The following ITIH2 variants were observed in gnomAD, a reference collection of about 807,000 sequenced individuals.
ITIH2 encodes inter-alpha-trypsin inhibitor heavy chain H2.
ITIH2 carries 103 observed loss-of-function variants against 104.4 expected under a neutral mutation model. The ratio of observed to expected loss-of-function variants is 0.99; its 90% CI spans 0.84 to 1.16. The LOEUF is 1.16. ITIH2 is among the 50% of genes most tolerant of loss of function. The pLI is 0.00. For synonymous variants in ITIH2, 436 were observed against 435.4 expected (o/e 1.00, Z -0.02); for missense variants, 1,108 against 1,162.4 (o/e 0.95, Z 0.68).
In ITIH2 at chr10:7,722,953, T is replaced by TGTGGAGTGGA. The variant is rs559645497; in HGVS notation, c.868-484_868-475dup. Among the ~76,000 whole-genome samples the TGTGGAGTGGA allele has an allele frequency of 2.0e-5, 3 of 151,316 alleles. No homozygotes were observed. In the East Asian group the frequency reaches 5.9e-4, roughly 30 times the overall value. ...GGGGCTCTCTGTAAAGACTGAGTGATGTGGAGTGGAGTGGAGTGGAGTGAA... is the reference window on the plus strand; with the variant it reads ...GGGGCTCTCTGTAAAGACTGAGTGATGTGGAGTGGAGTGGAGTGGAGTGGAGTGGAGTGAA... On this transcript the variant is annotated intron_variant, in intron 8 of 20. Transcript: ENST00000358415.
At chr10:7,738,225 A>G (rs1249058818) in intron 15 of ITIH2, among the ~76,000 whole-genome samples, 1 of 107,848 alleles carries the variant, frequency 9.3e-6, no homozygotes, top group South Asian at 2.6e-4. Flanking sequence ...ATTCTATATA[A>G]TATTATATAT....
intron 14 of ITIH2, among the ~76,000 whole-genome samples, chr10:7,734,304 G>A (rs1476740792): frequency 6.6e-6 from 1 of 152,186 alleles, no homozygotes; most frequent in Non-Finnish European, 1.5e-5. Context: ...GTGTATATGG[G>A]GGACCGTGTG....
chr10:7,727,950 T>A (rs901496923), intron 11 of ITIH2, 122 bp downstream of exon 11: 5 of 1,172,518 alleles, frequency 4.3e-6, no homozygotes, highest in Non-Finnish European at 4.8e-6. Flanking sequence ...TTTAAACCCA[T>A]GCTTCCTAAA....
At position 7,705,923 on chromosome 10, in the gene ITIH2, C is replaced by A. The variant is rs372678369; in HGVS notation, c.159+741C>A. Among the ~76,000 whole-genome samples, 26 of 152,124 alleles carry A rather than the reference C, an allele frequency of 1.7e-4. No individual in the cohort carries two copies. In the South Asian group the frequency reaches 5.2e-3, roughly 30 times the overall value. ...GCCACATTGGAAGTTGCAATCCTGG[C>A]GGCCACCAGCAGCAGTATAGACAAA... is the stretch of plus-strand genomic sequence containing the variant. On this transcript the variant is annotated intron_variant, in intron 2 of 20. Coordinates refer to ENST00000358415, the MANE Select transcript of ITIH2 (RefSeq NM_002216.3).
chr10:7,703,509 A>G lies in ITIH2; in HGVS notation c.75A>G (p.Gly25=), dbSNP rs1037408132. The part of the protein sequence containing the change: ...EVSGFEIPIN[G]LSEFVDYEDL... ...CAGGCTTCGAAATCCCCATAAATGG[A>G]CTTTCTGAAGTAAGTACTTACAGAT... The change falls in exon 1 of 21, where the codon GGA becomes GGG. Residue 25 remains glycine, a synonymous_variant. Transcript: ENST00000358415. The G allele has an allele frequency of 6.2e-7, 1 of 1,608,936 alleles. No homozygotes were observed.
At chr10:7,735,120 G>A in intron 15 of ITIH2, 29 bp downstream of exon 15, 1 of 1,578,822 alleles carries the variant, frequency 6.3e-7, no homozygotes, top group Non-Finnish European at 8.6e-7. Flanking sequence ...GGGACAAGTG[G>A]CCAGGCAGCT....
intron 7 of ITIH2, 68 bp downstream of exon 7, chr10:7,721,031 T>G: frequency 1.0e-6 from 1 of 991,658 alleles, no homozygotes; most frequent in Non-Finnish European, 1.6e-6. Flanking sequence ...GTTCTCCTTC[T>G]GTGCTCTGGA....
At chr10:7,715,267 G>A (rs796339740) in intron 5 of ITIH2, among the ~76,000 whole-genome samples, 26 of 152,018 alleles carry the variant, frequency 1.7e-4, no homozygotes, top group Middle Eastern at 3.4e-3. Flanking sequence ...CTAAAATTAC[G>A]TAAATTAGCT....
intron 16 of ITIH2, among the ~76,000 whole-genome samples, chr10:7,742,755 A>G (rs1835139025): frequency 6.6e-6 from 1 of 152,094 alleles, no homozygotes; most frequent in Admixed American, 6.6e-5. Flanking sequence ...AAAAACACCC[A>G]ACTCTATTTT....
At position 7,743,488 on chromosome 10, in the gene ITIH2, T is replaced by C. The variant is rs531851590; in HGVS notation, c.2209+229T>C. Among the ~76,000 whole-genome samples, 14 of 152,194 alleles carry C rather than the reference T, an allele frequency of 9.2e-5. 1 individual carries two copies. The South Asian group carries it at 2.1e-3, about 23-fold the overall frequency. Reference sequence around the variant, plus strand: ...CTTGTTGTGATATAATTAATTTAAATATGAGCCAGGAACGGTGGCTTACAC... The same window carrying C: ...CTTGTTGTGATATAATTAATTTAAACATGAGCCAGGAACGGTGGCTTACAC... On this transcript the variant is annotated intron_variant, in intron 17 of 20. Coordinates refer to ENST00000358415, the MANE Select transcript of ITIH2 (RefSeq NM_002216.3).
In ITIH2 at chr10:7,737,642, A is replaced by T. The variant is rs868842261; in HGVS notation, c.1958-979A>T. On this transcript the variant is annotated intron_variant, in intron 15 of 20. Transcript: ENST00000358415. ...CTATATTATATTCTATATTCTATAG[A>T]ATATTCTATATTATATTCTATATTA... Among the ~76,000 whole-genome samples the T allele has an allele frequency of 1.0e-4, 9 of 90,326 alleles. 1 individual carries two copies. Among genetic ancestry groups the T allele is most frequent in the East Asian group, 3.3e-4 (1 of 3,056 alleles). 59.3% of individuals were successfully genotyped at this position (90,326 alleles called of 152,430 possible). A position where few individuals can be genotyped will look rare whatever the true frequency, so the allele number is the denominator to read the frequency against.
intron 5 of ITIH2, among the ~76,000 whole-genome samples, chr10:7,715,574 G>T (rs1035022402): frequency 8.5e-5 from 13 of 152,126 alleles, no homozygotes; most frequent in African/African-American, 3.1e-4. Context: ...CCATCCTAGT[G>T]CACCCTCAGG....
intron 14 of ITIH2, among the ~76,000 whole-genome samples, chr10:7,732,943 G>T (rs1835018016): frequency 6.6e-6 from 1 of 152,110 alleles, no homozygotes; most frequent in African/African-American, 2.4e-5. Context: ...TAGCCAGGAT[G>T]GTCTCGGTCT....
intron 16 of ITIH2, among the ~76,000 whole-genome samples, chr10:7,741,522 C>T (rs1835124853): frequency 6.6e-6 from 1 of 152,132 alleles, no homozygotes; most frequent in South Asian, 2.1e-4. Context: ...GCTCCAAGAA[C>T]AATCAACTAA....
At chr10:7,732,763 T>C (rs1835016193) in intron 14 of ITIH2, among the ~76,000 whole-genome samples, 1 of 152,208 alleles carries the variant, frequency 6.6e-6, no homozygotes, top group African/African-American at 2.4e-5. Context: ...AGTCTCGCTC[T>C]GTCTCCCAGG....
rs1554765633 is a variant in ITIH2 at position 7,719,780 on chromosome 10, A to AAG, written c.631-1075_631-1074insGA. On this transcript the variant is annotated intron_variant, in intron 6 of 20. Coordinates refer to ENST00000358415, the MANE Select transcript of ITIH2 (RefSeq NM_002216.3). ...TGTCTCAAAAAAAAAAAAAAAAAAAAAAAGAAAGAAAGAAAAGAAAAAATA... is the reference window on the plus strand; with the variant it reads ...TGTCTCAAAAAAAAAAAAAAAAAAAAAGAAAGAAAGAAAGAAAAGAAAAAATA... 1.3e-3 allele frequency among the ~76,000 whole-genome samples: 183 copies of AAG among 141,060 alleles called. 1 individual carries two copies. The highest frequency in any genetic ancestry group is 4.6e-3 in the African/African-American group (169 of 36,362). 92.5% of individuals were successfully genotyped at this position (141,060 alleles called of 152,430 possible).
chr10:7,728,258 C>A (rs183295608), intron 11 of ITIH2, among the ~76,000 whole-genome samples: 1 of 152,162 alleles, frequency 6.6e-6, no homozygotes, highest in Non-Finnish European at 1.5e-5. Flanking sequence ...ACACTTCTCC[C>A]GGTTGCACCT....
chr10:7,714,165 A>ATTTTTTTTTTTTTTTTT (rs996413668), intron 5 of ITIH2, among the ~76,000 whole-genome samples: 1 of 84,030 alleles, frequency 1.2e-5, no homozygotes, highest in African/African-American at 5.1e-5. Flanking sequence ...CACACTCACT[A>ATTTTTTTTTTTTTTTTT]TTTTTTTTTT....
chr10:7,738,602 T>G lies in ITIH2; in HGVS notation c.1958-19T>G. On this transcript the variant is annotated intron_variant, in intron 15 of 20. Transcript: ENST00000358415. ...AAACGTAAATCTAGAAACTAACAGA[T>G]GCAGGTTTGTCTACGCAGGGGCCCT... The G allele has an allele frequency of 1.2e-6, 2 of 1,612,332 alleles. No homozygotes were observed. Among genetic ancestry groups the G allele is most frequent in the Non-Finnish European group, 1.7e-6 (2 of 1,179,098 alleles).
Sources: allele counts gnomAD v4.1 joint callset (sites outside exome capture counted in the v4.1 genomes callset), GRCh38; gene constraint gnomAD v4.1.1; transcripts MANE v1.5; gene names NCBI Gene and HGNC (gene_info 2026-07-23, HGNC 2026-07-21).